Variants in EFHC1 observed in about 807,000 individuals in gnomAD.
EFHC1 encodes EF-hand domain-containing protein 1.
In EFHC1, 53 loss-of-function variants were observed where a neutral mutation model predicts 69.9. The observed-to-expected ratio is 0.76, with a 90% CI of 0.61 to 0.95. The LOEUF is 0.95. Among genes scored for constraint, EFHC1 ranks in the 40% least tolerant of loss-of-function variants. The probability of loss-of-function intolerance (pLI) is 0.00; values close to 1 mark genes in which losing one functional copy is unlikely to be tolerated. For synonymous variants in EFHC1, 256 were observed against 278.4 expected, an observed-to-expected ratio of 0.92 and a Z score of 0.80; for missense variants, 739 against 798.7, an observed-to-expected ratio of 0.93 and a Z score of 0.90.
At chr6:52,432,462 A>G (rs1266901733) in intron 2 of EFHC1, among the ~76,000 whole-genome samples, 1 of 152,156 alleles carries the variant, frequency 6.6e-6, no homozygotes, top group Admixed American at 6.5e-5. Flanking sequence ...TTCATTTATG[A>G]AGCTTAGTTT....
rs965273764 is a variant in EFHC1 at position 52,495,795 on chromosome 6, C to T, written c.*3454C>T. 8.5e-6 allele frequency: 3 copies of T among 354,044 alleles called. No homozygotes were observed. Among genetic ancestry groups the T allele is most frequent in the Non-Finnish European group, 1.7e-5 (3 of 180,658 alleles). The allele number at this position is 354,044 out of a possible 1,614,324, so 21.9% of individuals were successfully genotyped here. On this transcript the variant is annotated 3_prime_UTR_variant, in exon 11 of 11. Transcript: ENST00000371068. ...CACATACACTCCTTAAGTTTGCTGT[C>T]CACTTCTTGCCTTGCATCTCCTTTT...
intron 3 of EFHC1, among the ~76,000 whole-genome samples, chr6:52,447,115 C>G (rs1393226625): frequency 6.6e-6 from 1 of 152,246 alleles, no homozygotes; most frequent in Non-Finnish European, 1.5e-5. Flanking sequence ...GCCTGCCTCA[C>G]TAGTTTGGGG....
At chr6:52,442,317 TTTAAG>T (rs60428600) in intron 3 of EFHC1, among the ~76,000 whole-genome samples, 1,665 of 152,326 alleles carry the variant, frequency 0.011, 12 homozygotes, top group Middle Eastern at 0.027. Context: ...ATTATTATAC[TTTAAG>T]TTATGGGGTA....
intron 7 of EFHC1, among the ~76,000 whole-genome samples, chr6:52,473,663 T>TC (rs541039950): frequency 6.6e-6 from 1 of 152,058 alleles, no homozygotes; most frequent in Non-Finnish European, 1.5e-5. Flanking sequence ...ACGCCTGTAG[T>TC]CCCAGCCACT....
In EFHC1 at chr6:52,479,265, A is replaced by G; in HGVS notation, c.1492+15A>G. The G allele has an allele frequency of 1.2e-6, 2 of 1,613,676 alleles. No homozygotes were observed. The highest frequency in any genetic ancestry group is 4.5e-5 in the East Asian group (2 of 44,884). On this transcript the variant is annotated intron_variant, in intron 8 of 10. Transcript: ENST00000371068. ...TGTGATTGAAGGTAGGTCTAAACAC[A>G]GTCCAGAATTTCCTACTGGCTGCCT... is the stretch of plus-strand genomic sequence containing the variant.
Position 52,454,290 on chromosome 6 carries a change from A to G in EFHC1, c.916+3A>G, listed in dbSNP as rs1478834078. 1 of 1,613,930 alleles carries G rather than the reference A, an allele frequency of 6.2e-7. No individual in the cohort carries two copies. Among genetic ancestry groups the G allele is most frequent in the African/African-American group, 1.3e-5 (1 of 74,920 alleles). On this transcript the variant is annotated splice_donor_region_variant and intron_variant, in intron 5 of 10. Transcript: ENST00000371068. The stretch of plus-strand genomic sequence containing the variant: ...CAAAGTTTTGGTGGAAAATGCAAGT[A>G]TGTTTGATTCAGTTTATTCTCTGTT...
In EFHC1 at chr6:52,453,491, C is replaced by T. The variant is rs137920461; in HGVS notation, c.724-604C>T. On this transcript the variant is annotated intron_variant, in intron 4 of 10. Transcript: ENST00000371068. ...TGCTCCTTTTCTTTAGACATTTAACCCCTTTTAGTTCAGAAAATGTAAACT... is the reference window on the plus strand; with the variant it reads ...TGCTCCTTTTCTTTAGACATTTAACTCCTTTTAGTTCAGAAAATGTAAACT... The T allele has an allele frequency of 1.9e-4, 249 of 1,286,902 alleles. No homozygotes were observed. The African/African-American group carries it at 3.4e-3, about 18-fold the overall frequency. The allele number at this position is 1,286,902 out of a possible 1,614,324, so 79.7% of individuals were successfully genotyped here.
At chr6:52,429,802 A>G (rs927571240) in intron 2 of EFHC1, among the ~76,000 whole-genome samples, 1 of 152,086 alleles carries the variant, frequency 6.6e-6, no homozygotes, top group African/African-American at 2.4e-5. Flanking sequence ...CATTTTCACA[A>G]TGTTGATTCC....
intron 3 of EFHC1, among the ~76,000 whole-genome samples, chr6:52,443,899 A>G (rs1319393294): frequency 6.6e-6 from 1 of 152,170 alleles, no homozygotes; most frequent in Non-Finnish European, 1.5e-5. Flanking sequence ...TTTTCACAAT[A>G]TTGATTCTTC....
chr6:52,438,171 A>G (rs1474336364), intron 2 of EFHC1, 133 bp from the exon 3 acceptor site: 1 of 884,332 alleles, frequency 1.1e-6, no homozygotes, highest in Non-Finnish European at 1.8e-6. Context: ...TAGAGTATCA[A>G]GATTTACAGG....
chr6:52,449,516 C>T, intron 3 of EFHC1, among the ~76,000 whole-genome samples: 1 of 152,068 alleles, frequency 6.6e-6, no homozygotes, highest in South Asian at 2.1e-4. Context: ...TGTTATCAGT[C>T]TGTTCAGGGA....
Position 52,469,729 on chromosome 6 carries a change from A to T in EFHC1, c.1278+256A>T, listed in dbSNP as rs143222903. 2.8e-3 allele frequency among the ~76,000 whole-genome samples: 428 copies of T among 152,322 alleles called. 6 individuals carry two copies. The highest frequency in any genetic ancestry group is 9.9e-3 in the African/African-American group (410 of 41,578). Reference sequence around the variant, plus strand: ...TTAATCTCTCACTCTTACACCTCAAATGTTGACAGATCTTTTGCCTCTTTT... The same window carrying T: ...TTAATCTCTCACTCTTACACCTCAATTGTTGACAGATCTTTTGCCTCTTTT... On this transcript the variant is annotated intron_variant, in intron 7 of 10. Transcript: ENST00000371068.
intron 2 of EFHC1, among the ~76,000 whole-genome samples, chr6:52,431,333 G>A (rs894565604): frequency 2.0e-5 from 3 of 151,982 alleles, no homozygotes; most frequent in East Asian, 1.9e-4. Context: ...TGATGTAGGC[G>A]TTTTGGGGTT....
chr6:52,424,205 G>A, intron 2 of EFHC1, 38 bp downstream of exon 2: 1 of 1,590,104 alleles, frequency 6.3e-7, no homozygotes, highest in Non-Finnish European at 8.6e-7. Flanking sequence ...TTGAATTAGG[G>A]TCTGAGAGCC....
intron 2 of EFHC1, among the ~76,000 whole-genome samples, chr6:52,435,273 C>T (rs1159884226): frequency 2.0e-5 from 3 of 152,180 alleles, no homozygotes; most frequent in Admixed American, 6.5e-5. Context: ...ATCTGTTCTG[C>T]AGCAATCTTC....
intron 3 of EFHC1, among the ~76,000 whole-genome samples, chr6:52,447,608 C>G (rs139220475): frequency 2.0e-5 from 3 of 152,246 alleles, no homozygotes; most frequent in Admixed American, 6.5e-5. Flanking sequence ...TGTTCCATTG[C>G]TGGCGAGGAG....
chr6:52,476,156 G>A (rs75052559), intron 7 of EFHC1, among the ~76,000 whole-genome samples: 4,429 of 152,274 alleles, frequency 0.029, 116 homozygotes, highest in East Asian at 0.14. Context: ...GGAATGGGCT[G>A]ATGGGAGCAG....
In EFHC1 at chr6:52,424,057, C is replaced by A. The variant is rs776050914; in HGVS notation, c.175C>A (p.Gln59Lys). 6.2e-7 allele frequency: 1 copy of A among 1,614,134 alleles called. No individual in the cohort carries two copies. Among genetic ancestry groups the A allele is most frequent in the East Asian group, 2.2e-5 (1 of 44,884 alleles). The change falls in exon 2 of 11, where the codon CAG (glutamine) becomes AAG (lysine). Residue 59 changes from glutamine (Q) to lysine (K), a missense_variant. Gln to Lys is a moderately conservative substitution (Grantham distance 53, BLOSUM62 1). Coordinates refer to ENST00000371068, the MANE Select transcript of EFHC1 (RefSeq NM_018100.4). ...GDRLQFNQLS[Q>K]AELDELASKA... ...CCGGCTCCAGTTCAACCAGCTGTCCCAGGCTGAGCTGGATGAGTTGGCCAG... is the reference window on the plus strand; with the variant it reads ...CCGGCTCCAGTTCAACCAGCTGTCCAAGGCTGAGCTGGATGAGTTGGCCAG...
In EFHC1 at chr6:52,493,814, A is replaced by T. The variant is rs775226789; in HGVS notation, c.*1473A>T. The T allele has an allele frequency of 4.4e-6, 2 of 454,070 alleles. No homozygotes were observed. The highest frequency in any genetic ancestry group is 6.9e-5 in the East Asian group (1 of 14,394). The allele number at this position is 454,070 out of a possible 1,614,324, so 28.1% of individuals were successfully genotyped here. On this transcript the variant is annotated 3_prime_UTR_variant, in exon 11 of 11. Coordinates refer to ENST00000371068, the MANE Select transcript of EFHC1 (RefSeq NM_018100.4). ...AGTCAGCCACTAAGTTCATCTTTAA[A>T]CATGCTATCTCAAATTCCCCGAAGC...
Sources: gnomAD v4.1 joint callset for allele counts (sites outside exome capture counted in the v4.1 genomes callset) on GRCh38, gnomAD v4.1.1 for gene constraint, MANE v1.5 for transcripts, NCBI Gene and HGNC (gene_info 2026-07-23, HGNC 2026-07-21) for gene names.